FIGN: variants seen among roughly 807,000 people sequenced by gnomAD.
The protein encoded by FIGN is fidgetin.
FIGN carries 11 observed loss-of-function variants against 51.3 expected under a neutral mutation model. That is an observed-to-expected ratio of 0.21 (90% CI 0.13 to 0.35). The LOEUF (loss-of-function observed/expected upper bound fraction) is 0.35. FIGN is among the 10% of genes least tolerant of loss of function. FIGN has a pLI of 1.00. For synonymous variants in FIGN, 407 were observed against 363.2 expected, an observed-to-expected ratio of 1.12 and a Z score of -1.37; for missense variants, 857 against 943.6, an observed-to-expected ratio of 0.91 and a Z score of 1.20.
At chr2:163,672,043 G>A (rs1683885045) in intron 2 of FIGN, among the ~76,000 whole-genome samples, 1 of 152,050 alleles carries the variant, frequency 6.6e-6, no homozygotes, top group East Asian at 1.9e-4. Flanking sequence ...TATTACACAT[G>A]TGTCATAAAC....
chr2:163,697,223 C>A (rs1329224059), intron 2 of FIGN, among the ~76,000 whole-genome samples: 1 of 151,272 alleles, frequency 6.6e-6, no homozygotes, highest in Non-Finnish European at 1.5e-5. Flanking sequence ...GCCCCAGCCT[C>A]CCGAGTAGCT....
At chr2:163,698,503 C>T (rs1160595590) in intron 2 of FIGN, among the ~76,000 whole-genome samples, 2 of 151,994 alleles carry the variant, frequency 1.3e-5, no homozygotes, top group Non-Finnish European at 2.9e-5. Flanking sequence ...TCCAAGATTC[C>T]CCCCACCCTA....
At chr2:163,670,232 G>A (rs1362324899) in intron 2 of FIGN, among the ~76,000 whole-genome samples, 1 of 152,146 alleles carries the variant, frequency 6.6e-6, no homozygotes, top group Non-Finnish European at 1.5e-5. Context: ...GTGATGCTGT[G>A]TTAATACTAC....
intron 2 of FIGN, among the ~76,000 whole-genome samples, chr2:163,726,914 ATTTG>A (rs1573975797): frequency 6.6e-6 from 1 of 152,038 alleles, no homozygotes; most frequent in Non-Finnish European, 1.5e-5. Context: ...ATTTCATAGT[ATTTG>A]TTTGATCTGA....
At chr2:163,677,636 A>T (rs1683992582) in intron 2 of FIGN, among the ~76,000 whole-genome samples, 2 of 152,236 alleles carry the variant, frequency 1.3e-5, no homozygotes, top group South Asian at 4.1e-4. Flanking sequence ...TCTGATATTA[A>T]AATAACTTCT....
intron 2 of FIGN, among the ~76,000 whole-genome samples, chr2:163,711,151 G>T (rs189834933): frequency 6.6e-6 from 1 of 152,214 alleles, no homozygotes; most frequent in Admixed American, 6.5e-5. Context: ...CTCAAAGCAA[G>T]TCCAGTTACC....
rs914636049 is a variant in FIGN at position 163,605,063 on chromosome 2, A to G, written c.*4489T>C. 1 of 147,272 alleles carries G rather than the reference A, an allele frequency of 6.8e-6. No homozygotes were observed. Among genetic ancestry groups the G allele is most frequent in the Admixed American group, 7.2e-5 (1 of 13,876 alleles). 9.1% of individuals were successfully genotyped at this position (147,272 alleles called of 1,614,324 possible). On this transcript the variant is annotated 3_prime_UTR_variant, in exon 3 of 3. Transcript: ENST00000333129. ...ATAGGACTGATTCATATATTCTCAC[A>G]CAACTCTGTGGCAAGGCTGACCCAT...
intron 2 of FIGN, among the ~76,000 whole-genome samples, chr2:163,687,202 G>A (rs1559021205): frequency 6.6e-6 from 1 of 152,174 alleles, no homozygotes; most frequent in Admixed American, 6.5e-5. Flanking sequence ...TTCTTCTCCT[G>A]TGCCCTCCAA....
In FIGN at chr2:163,603,629, A is replaced by G. The variant is rs1275075143; in HGVS notation, c.*5923T>C. On this transcript the variant is annotated 3_prime_UTR_variant, in exon 3 of 3. Transcript: ENST00000333129. ...GGATGCCACTTTGTTAATGAAACTT[A>G]AAGAATAGATTGTCAGGCATACCGG... is the stretch of plus-strand genomic sequence containing the variant. 4 of 152,148 alleles carry G rather than the reference A, an allele frequency of 2.6e-5. No individual in the cohort carries two copies. Among genetic ancestry groups the G allele is most frequent in the African/African-American group, 9.7e-5 (4 of 41,444 alleles). 9.4% of individuals were successfully genotyped at this position (152,148 alleles called of 1,614,324 possible). A position where few individuals can be genotyped will look rare whatever the true frequency, so the allele number is the denominator to read the frequency against.
chr2:163,618,412 T>C (rs2105303901), intron 2 of FIGN, among the ~76,000 whole-genome samples: 1 of 145,988 alleles, frequency 6.8e-6, no homozygotes, highest in Non-Finnish European at 1.5e-5. Flanking sequence ...CATAAAACAA[T>C]GCTTTTTTTT....
chr2:163,672,015 T>G (rs999561256), intron 2 of FIGN, among the ~76,000 whole-genome samples: 21 of 152,140 alleles, frequency 1.4e-4, no homozygotes, highest in Non-Finnish European at 3.1e-4. Context: ...AATGCCAGTT[T>G]CTAAATTGAT....
intron 2 of FIGN, among the ~76,000 whole-genome samples, chr2:163,727,795 T>C (rs1684860298): frequency 1.3e-5 from 2 of 152,196 alleles, no homozygotes; most frequent in African/African-American, 4.8e-5. Flanking sequence ...GGACATTCCA[T>C]CATATCTCAG....
intron 2 of FIGN, among the ~76,000 whole-genome samples, chr2:163,683,511 G>A (rs1258531859): frequency 6.6e-6 from 1 of 152,182 alleles, no homozygotes; most frequent in African/African-American, 2.4e-5. Flanking sequence ...GGGAGAATCT[G>A]CAGAACTTGG....
chr2:163,717,381 T>G (rs1172040136), intron 2 of FIGN, among the ~76,000 whole-genome samples: 1 of 152,100 alleles, frequency 6.6e-6, no homozygotes, highest in Non-Finnish European at 1.5e-5. Flanking sequence ...CATCCTAGGG[T>G]CAGGGGAAGC....
At chr2:163,701,080 A>C (rs561255612) in intron 2 of FIGN, among the ~76,000 whole-genome samples, 11 of 152,254 alleles carry the variant, frequency 7.2e-5, no homozygotes, top group Admixed American at 2.0e-4. Context: ...AAAAATTTGC[A>C]TTTCTTATCT....
intron 2 of FIGN, among the ~76,000 whole-genome samples, chr2:163,723,088 G>A (rs981032185): frequency 1.3e-5 from 2 of 151,942 alleles, no homozygotes; most frequent in Non-Finnish European, 2.9e-5. Context: ...CTGCTGGGGA[G>A]GCTGAGGCAG....
intron 2 of FIGN, 32 bp downstream of exon 2, chr2:163,734,871 T>C (rs778310413): frequency 3.6e-5 from 58 of 1,594,646 alleles, no homozygotes; most frequent in Non-Finnish European, 4.9e-5. Context: ...CCTATTTAGA[T>C]GCAAAGGAAG....
chr2:163,718,840 T>C (rs7591678), intron 2 of FIGN, among the ~76,000 whole-genome samples: 84,748 of 150,440 alleles, frequency 0.56, 24,107 homozygotes, highest in Admixed American at 0.68. Flanking sequence ...ACAGAGAGAG[T>C]GAGAGAGAGA....
intron 2 of FIGN, among the ~76,000 whole-genome samples, chr2:163,642,521 T>G (rs1683320162): frequency 6.6e-6 from 1 of 152,122 alleles, no homozygotes; most frequent in Non-Finnish European, 1.5e-5. Context: ...AATGGGAAAG[T>G]GGGTGAGTGC....
Sources: allele counts gnomAD v4.1 joint callset (sites outside exome capture counted in the v4.1 genomes callset), GRCh38; gene constraint gnomAD v4.1.1; transcripts MANE v1.5; gene names NCBI Gene and HGNC (gene_info 2026-07-23, HGNC 2026-07-21).